SELENOP: variants seen among roughly 807,000 people sequenced by gnomAD.
SELENOP encodes selenoprotein P.
A neutral mutation model predicts 41.0 loss-of-function variants in SELENOP; 36 were observed. That is an observed-to-expected ratio of 0.88 (90% CI 0.67 to 1.16). The LOEUF (loss-of-function observed/expected upper bound fraction) is 1.16. Ranked by LOEUF, SELENOP falls within the 50% of genes most tolerant of loss-of-function variation. The pLI is 0.00. For synonymous variants in SELENOP, 144 were observed against 150.8 expected, an observed-to-expected ratio of 0.95 and a Z score of 0.33; for missense variants, 440 against 454.2, an observed-to-expected ratio of 0.97 and a Z score of 0.28.
rs757217484 is a variant in SELENOP, at chr5:42,800,849, T to C, written c.1017A>G (p.Ile339Met). Residue 339 changes from isoleucine to methionine, a missense_variant, in exon 5 of 5, where the codon ATA becomes ATG. Ile to Met is a conservative substitution (Grantham distance 10). Transcript: ENST00000514985. ...SUQGLRAEEN[I>M]TESCQURLPP... ...GCAAACGTCACTGACAAGATTCAGT[T>C]ATGTTCTCCTCTGCCCGAAGTCCCT... The C allele has an allele frequency of 2.1e-5, 34 of 1,614,096 alleles. No individual in the cohort carries two copies. The highest frequency in any genetic ancestry group is 2.8e-5 in the Non-Finnish European group (33 of 1,180,040).
rs371582737 is a variant in SELENOP, at chr5:42,800,686, G to C, written c.*34C>G. The C allele has an allele frequency of 2.6e-4, 396 of 1,541,210 alleles. No individual in the cohort carries two copies. The highest frequency in any genetic ancestry group is 3.2e-4 in the Non-Finnish European group (367 of 1,144,238). On this transcript the variant is annotated 3_prime_UTR_variant, in exon 5 of 5. Transcript: ENST00000514985. ...AATGCTGGAAATGAAATTGTGTCTA[G>C]ACTAAATTGGGGAGTATGTCCTATT...
At position 42,808,919 on chromosome 5, in the gene SELENOP, CAA is replaced by C. The variant is rs35616713; in HGVS notation, c.-13-555_-13-554del. Among the ~76,000 whole-genome samples the C allele has an allele frequency of 1.4e-4, 15 of 104,748 alleles. No individual in the cohort carries two copies. The South Asian group carries it at 2.3e-3, about 16-fold the overall frequency. The allele number at this position is 104,748 out of a possible 152,430, so 68.7% of individuals were successfully genotyped here. Reference sequence around the variant, plus strand: ...TGGGCGACAGAACGAGACTCTGTCTCAAAAAAAAAAAAACAAAAGAAGAAGAA... The same window carrying C: ...TGGGCGACAGAACGAGACTCTGTCTCAAAAAAAAAAACAAAAGAAGAAGAA... On this transcript the variant is annotated intron_variant, in intron 1 of 4. Transcript: ENST00000514985.
At chr5:42,802,993 G>A (rs1449026142) in intron 4 of SELENOP, among the ~76,000 whole-genome samples, 1 of 152,126 alleles carries the variant, frequency 6.6e-6, no homozygotes, top group Non-Finnish European at 1.5e-5. Flanking sequence ...TCTAAAATTA[G>A]AATGTACCAT....
chr5:42,800,613 C>T lies in SELENOP; in HGVS notation c.*107G>A. On this transcript the variant is annotated 3_prime_UTR_variant, in exon 5 of 5. Coordinates refer to ENST00000514985, the MANE Select transcript of SELENOP (RefSeq NM_005410.4). Reference sequence around the variant, plus strand: ...AATTCAGTAGATTTCTCCATGTTTGCACAAATCTAATTTCTATTTTTGGTT... The same window carrying T: ...AATTCAGTAGATTTCTCCATGTTTGTACAAATCTAATTTCTATTTTTGGTT... 1 of 1,329,348 alleles carries T rather than the reference C, an allele frequency of 7.5e-7. No individual in the cohort carries two copies. The highest frequency in any genetic ancestry group is 1.5e-5 in the South Asian group (1 of 64,940). 82.3% of individuals were successfully genotyped at this position (1,329,348 alleles called of 1,614,324 possible). A position where few individuals can be genotyped will look rare whatever the true frequency, so the allele number is the denominator to read the frequency against.
In SELENOP at chr5:42,808,145, T is replaced by A; in HGVS notation, c.203+6A>T. On this transcript the variant is annotated splice_donor_region_variant and intron_variant, in intron 2 of 4. Coordinates refer to ENST00000514985, the MANE Select transcript of SELENOP (RefSeq NM_005410.4). ...GGTATTTTAAGCCACAGAAAGACTG[T>A]CTTACTTAGATGCCTGCAGTATGCA... The A allele has an allele frequency of 6.8e-7, 1 of 1,475,106 alleles. No individual in the cohort carries two copies. 91.4% of individuals were successfully genotyped at this position (1,475,106 alleles called of 1,614,324 possible).
intron 4 of SELENOP, 102 bp from the exon 5 acceptor site, chr5:42,801,433 A>G (rs1482797166): frequency 1.1e-5 from 9 of 851,748 alleles, no homozygotes; most frequent in Non-Finnish European, 3.6e-6. Context: ...CAACTAGTTA[A>G]TTAGAATCGA....
chr5:42,802,281 A>G (rs1238039663), intron 4 of SELENOP: 1 of 152,216 alleles, frequency 6.6e-6, no homozygotes, highest in East Asian at 1.9e-4. Flanking sequence ...CTCAAAGCCT[A>G]TAGATACAGA....
intron 1 of SELENOP, 37 bp from the exon 2 acceptor site, chr5:42,808,403 T>A: frequency 1.2e-6 from 1 of 802,466 alleles, no homozygotes; most frequent in Non-Finnish European, 1.8e-6. Context: ...TCTTCATAGT[T>A]AACTTCACAG....
chr5:42,803,732 CT>C (rs1228528561), intron 4 of SELENOP, among the ~76,000 whole-genome samples: 1 of 152,094 alleles, frequency 6.6e-6, no homozygotes, highest in African/African-American at 2.4e-5. Context: ...CTTTGAGTGC[CT>C]TTTTTATTTA....
In SELENOP at chr5:42,806,993, C is replaced by T; in HGVS notation, c.319G>A (p.Val107Ile). ...TGATAAACAGGAATATGCTCTGAAA[C>T]CTTATTCTTAAGATGTGTGTATTTT... is the stretch of plus-strand genomic sequence containing the variant. ...RLKYTHLKNKVSEHIPVYQQE... is the reference protein window; with the variant it reads ...RLKYTHLKNKISEHIPVYQQE... Residue 107 changes from valine to isoleucine, a missense_variant, in exon 3 of 5, where the codon GTT becomes ATT. By Grantham distance (29) the Val-to-Ile change is conservative. Transcript: ENST00000514985. 6.2e-7 allele frequency: 1 copy of T among 1,607,484 alleles called. No homozygotes were observed. Among genetic ancestry groups the T allele is most frequent in the Non-Finnish European group, 8.5e-7 (1 of 1,174,688 alleles).
rs1306544636 is a variant in SELENOP, at chr5:42,808,272, A to G, written c.82T>C (p.Cys28Arg). The G allele has an allele frequency of 6.4e-7, 1 of 1,572,742 alleles. No individual in the cohort carries two copies. Among genetic ancestry groups the G allele is most frequent in the Non-Finnish European group, 8.6e-7 (1 of 1,159,536 alleles). ...GTESQDQSSL[C>R]KQPPAWSIRD... ...ATGCTCCAGGCTGGGGGTTGCTTAC[A>G]TAAGGAGCTTTGGTCCTGGCTCTCT... The change falls in exon 2 of 5, where the codon TGT (cysteine) becomes CGT (arginine). Residue 28 changes from cysteine (C) to arginine (R), a missense_variant. Transcript: ENST00000514985.
At chr5:42,809,044 A>G (rs1374097845) in intron 1 of SELENOP, among the ~76,000 whole-genome samples, 1 of 152,182 alleles carries the variant, frequency 6.6e-6, no homozygotes, top group Non-Finnish European at 1.5e-5. Context: ...CAGTATACCA[A>G]CATGAATGTG....
chr5:42,810,405 A>G (rs1760433396), intron 1 of SELENOP, among the ~76,000 whole-genome samples: 1 of 152,188 alleles, frequency 6.6e-6, no homozygotes, highest in Non-Finnish European at 1.5e-5. Context: ...TTGGCAAAAA[A>G]TCAGCACTTG....
rs753749902 is a variant in SELENOP at position 42,801,090 on chromosome 5, T to G, written c.776A>C (p.Glu259Ala). 86 of 1,614,086 alleles carry G rather than the reference T, an allele frequency of 5.3e-5. No individual in the cohort carries two copies. The highest frequency in any genetic ancestry group is 6.9e-5 in the Non-Finnish European group (82 of 1,180,036). Reference protein sequence around the residue: ...HKGQHRQGHPENRDMPASEDL... With the variant: ...HKGQHRQGHPANRDMPASEDL... ...TTCACTTGCTGGCATATCTCGGTTCTCTGGGTGACCCTGCCTATGCTGACC... is the reference window on the plus strand; with the variant it reads ...TTCACTTGCTGGCATATCTCGGTTCGCTGGGTGACCCTGCCTATGCTGACC... The change falls in exon 5 of 5, where the codon GAG becomes GCG. Residue 259 changes from glutamate to alanine, a missense_variant. Transcript: ENST00000514985.
rs1760183800 is a variant in SELENOP at position 42,801,069 on chromosome 5, C to T, written c.797G>A (p.Ser266Asn). The part of the protein sequence containing the change: ...GHPENRDMPA[S>N]EDLQDLQKKL... ...CTTTTGTAAATCTTGTAAATCTTCACTTGCTGGCATATCTCGGTTCTCTGG... is the reference window on the plus strand; with the variant it reads ...CTTTTGTAAATCTTGTAAATCTTCATTTGCTGGCATATCTCGGTTCTCTGG... Residue 266 changes from serine to asparagine, a missense_variant, in exon 5 of 5, where the codon AGT becomes AAT. Transcript: ENST00000514985. The T allele has an allele frequency of 6.2e-7, 1 of 1,614,068 alleles. No homozygotes were observed. The highest frequency in any genetic ancestry group is 1.3e-5 in the African/African-American group (1 of 74,920).
Position 42,811,198 on chromosome 5 carries a change from C to CT in SELENOP, c.-14+637dup, listed in dbSNP as rs756520766. Among the ~76,000 whole-genome samples the CT allele has an allele frequency of 4.4e-4, 67 of 152,320 alleles. 1 individual carries two copies. Among genetic ancestry groups the CT allele is most frequent in the South Asian group, 3.9e-3 (19 of 4,828 alleles). On this transcript the variant is annotated intron_variant, in intron 1 of 4. Transcript: ENST00000514985. ...ACTTTCTCTGTCCTCCACCTCTGAA[C>CT]TTTAGGCCAGCATCTGAAAGCCCCT...
rs1760339991 is a variant in SELENOP at position 42,806,879 on chromosome 5, T to G, written c.416+17A>C. ...GTTATTTTTAAATTTGGGATGTGTTTGTGTGTATGTACAAACCTATCATAT... is the reference window on the plus strand; with the variant it reads ...GTTATTTTTAAATTTGGGATGTGTTGGTGTGTATGTACAAACCTATCATAT... On this transcript the variant is annotated intron_variant, in intron 3 of 4. Coordinates refer to ENST00000514985, the MANE Select transcript of SELENOP (RefSeq NM_005410.4). 7 of 1,445,192 alleles carry G rather than the reference T, an allele frequency of 4.8e-6. No homozygotes were observed. In the East Asian group the frequency reaches 1.6e-4, roughly 33 times the overall value. 89.5% of individuals were successfully genotyped at this position (1,445,192 alleles called of 1,614,324 possible).
Position 42,807,008 on chromosome 5 carries a change from G to T in SELENOP, c.304C>A (p.His102Asn). ...QGISSRLKYTHLKNKVSEHIP... is the reference protein window; with the variant it reads ...QGISSRLKYTNLKNKVSEHIP... Reference sequence around the variant, plus strand: ...TGCTCTGAAACCTTATTCTTAAGATGTGTGTATTTTAATCGAGAAGAGATT... The same window carrying T: ...TGCTCTGAAACCTTATTCTTAAGATTTGTGTATTTTAATCGAGAAGAGATT... Residue 102 changes from histidine (H) to asparagine (N), a missense_variant, in exon 3 of 5, where the codon CAT (histidine) becomes AAT (asparagine). Coordinates refer to ENST00000514985, the MANE Select transcript of SELENOP (RefSeq NM_005410.4). 1 of 1,595,442 alleles carries T rather than the reference G, an allele frequency of 6.3e-7. No homozygotes were observed. The highest frequency in any genetic ancestry group is 8.6e-7 in the Non-Finnish European group (1 of 1,163,748).
At chr5:42,804,558 A>G in intron 4 of SELENOP, 98 bp downstream of exon 4, 1 of 629,158 alleles carries the variant, frequency 1.6e-6, no homozygotes, top group Non-Finnish European at 2.8e-6. Context: ...TATTTTTAGT[A>G]CACCTGCAAA....
Sources: gnomAD v4.1 joint callset for allele counts (sites outside exome capture counted in the v4.1 genomes callset) on GRCh38, gnomAD v4.1.1 for gene constraint, MANE v1.5 for transcripts, NCBI Gene and HGNC (gene_info 2026-07-23, HGNC 2026-07-21) for gene names.